The following DNAI7 variants were observed in gnomAD, a reference collection of about 807,000 sequenced individuals.
The protein encoded by DNAI7 is dynein axonemal intermediate chain 7.
Under a neutral mutation model 86.6 loss-of-function variants are expected in DNAI7, and 78 were observed. The observed-to-expected ratio is 0.90, with a 90% confidence interval of 0.75 to 1.09. The LOEUF (loss-of-function observed/expected upper bound fraction) is 1.09, where lower values mean the gene tolerates loss of function less well. Among genes scored for constraint, DNAI7 ranks in the 50% least tolerant of loss-of-function variants. The probability of loss-of-function intolerance (pLI) is 0.00; values close to 1 mark genes in which losing one functional copy is unlikely to be tolerated. For synonymous variants in DNAI7, 274 were observed against 273.0 expected, an observed-to-expected ratio of 1.00 and a Z score of -0.04; for missense variants, 753 against 810.2, an observed-to-expected ratio of 0.93 and a Z score of 0.86.
intron 2 of DNAI7, among the ~76,000 whole-genome samples, chr12:25,171,576 A>G (rs1422923674): frequency 6.6e-6 from 1 of 152,214 alleles, no homozygotes; most frequent in African/African-American, 2.4e-5. Flanking sequence ...TATTGACACT[A>G]TTCCACAAGA....
intron 2 of DNAI7, among the ~76,000 whole-genome samples, chr12:25,182,366 A>G (rs1404467114): frequency 6.7e-6 from 1 of 149,768 alleles, no homozygotes; most frequent in African/African-American, 2.5e-5. Flanking sequence ...AAAAAAAAAA[A>G]GACACCTGTA....
intron 12 of DNAI7, 121 bp downstream of exon 12, chr12:25,119,024 C>A: frequency 1.3e-6 from 1 of 763,994 alleles, no homozygotes; most frequent in South Asian, 2.7e-5. Context: ...AAAACAAGAC[C>A]CTTGAATTGG....
intron 2 of DNAI7, among the ~76,000 whole-genome samples, chr12:25,168,642 T>C (rs561108754): frequency 6.6e-6 from 1 of 152,232 alleles, no homozygotes; most frequent in East Asian, 1.9e-4. Context: ...AAGAGTGTTG[T>C]TTTTACCTAA....
intron 2 of DNAI7, among the ~76,000 whole-genome samples, chr12:25,164,185 G>A (rs1947159534): frequency 6.8e-6 from 1 of 147,610 alleles, no homozygotes; most frequent in Non-Finnish European, 1.5e-5. Flanking sequence ...TTCTCTCCAT[G>A]TCTACCCCTT....
chr12:25,143,520 G>A (rs141832015), intron 9 of DNAI7, among the ~76,000 whole-genome samples: 48 of 152,126 alleles, frequency 3.2e-4, no homozygotes, highest in African/African-American at 1.0e-3. Flanking sequence ...CACCACGCCC[G>A]GCCTATAATT....
At position 25,144,773 on chromosome 12, in the gene DNAI7, A is replaced by G. The variant is rs1277038266; in HGVS notation, c.690-96T>C. ...CTAAGCAGTATTTCTCTTCACTTTA[A>G]TTTTGCTCCAATTTTGACTCTGATC... is the stretch of plus-strand genomic sequence containing the variant. On this transcript the variant is annotated intron_variant, in intron 8 of 15. Transcript: ENST00000395987. 8.3e-6 allele frequency: 8 copies of G among 969,298 alleles called. No individual in the cohort carries two copies. In the East Asian group the frequency reaches 2.1e-4, roughly 25 times the overall value. 60.0% of individuals were successfully genotyped at this position (969,298 alleles called of 1,614,324 possible).
At chr12:25,143,138 T>C (rs1224367241) in intron 9 of DNAI7, among the ~76,000 whole-genome samples, 2 of 152,194 alleles carry the variant, frequency 1.3e-5, no homozygotes, top group African/African-American at 4.8e-5. Context: ...TCTCATTTCC[T>C]TATGCCTTTA....
intron 9 of DNAI7, among the ~76,000 whole-genome samples, chr12:25,124,487 G>A (rs16915693): frequency 1.8e-4 from 26 of 146,172 alleles, no homozygotes; most frequent in African/African-American, 6.2e-4. Flanking sequence ...GTATATTTTT[G>A]TAAGTGTTGT....
chr12:25,170,475 A>G (rs191497696), intron 2 of DNAI7, among the ~76,000 whole-genome samples: 15 of 152,318 alleles, frequency 9.8e-5, no homozygotes, highest in Non-Finnish European at 1.8e-4. Context: ...CCAAATTTAT[A>G]AAAACAATTA....
rs1418552987 is a variant in DNAI7 at position 25,181,918 on chromosome 12, G to A, written c.21+8696C>T. ...AAAAAAGGGAACTGTTGGTATGAAT[G>A]TAAATTAGTTCAACCCCTATTGAAA... On this transcript the variant is annotated intron_variant, in intron 2 of 15. Transcript: ENST00000395987. Among the ~76,000 whole-genome samples, 5 of 152,052 alleles carry A rather than the reference G, an allele frequency of 3.3e-5. No individual in the cohort carries two copies. In the East Asian group the frequency reaches 9.6e-4, roughly 29 times the overall value.
intron 2 of DNAI7, among the ~76,000 whole-genome samples, chr12:25,171,362 A>G: frequency 6.6e-6 from 1 of 152,288 alleles, no homozygotes; most frequent in East Asian, 1.9e-4. Context: ...CGCATAAACT[A>G]GAAAACCTAG....
intron 13 of DNAI7, among the ~76,000 whole-genome samples, chr12:25,112,670 C>T (rs6487454): frequency 0.83 from 126,458 of 152,008 alleles, 52,909 homozygotes; most frequent in East Asian, 0.99. Context: ...CCTCCTAAAG[C>T]GCTGGGATTA....
downstream of DNAI7, chr12:25,107,898 A>G (rs116675077): frequency 1.2e-6 from 2 of 1,614,214 alleles, no homozygotes; most frequent in East Asian, 2.2e-5. Context: ...TCTCTATTGC[A>G]TTCATTGTAC....
chr12:25,146,286 T>C (rs902781899), intron 8 of DNAI7, among the ~76,000 whole-genome samples: 10 of 119,704 alleles, frequency 8.4e-5, no homozygotes, highest in African/African-American at 3.1e-4. Flanking sequence ...AAAAAAAAAA[T>C]CCAGATTGCC....
chr12:25,108,526 C>A lies in DNAI7; in HGVS notation c.*22G>T, dbSNP rs953788493. On this transcript the variant is annotated 3_prime_UTR_variant, in exon 16 of 16. Coordinates refer to ENST00000395987, the MANE Select transcript of DNAI7 (RefSeq NM_018272.5). ...CACCATGCTTGGTTCTTCATACTTA[C>A]AATACAGTTTGTAAGTGGAGGTTAG... The A allele has an allele frequency of 6.3e-7, 1 of 1,598,842 alleles. No individual in the cohort carries two copies. Among genetic ancestry groups the A allele is most frequent in the East Asian group, 2.2e-5 (1 of 44,620 alleles).
chr12:25,168,155 T>C (rs1319269303), intron 2 of DNAI7, among the ~76,000 whole-genome samples: 2 of 152,192 alleles, frequency 1.3e-5, no homozygotes, highest in African/African-American at 4.8e-5. Context: ...ACAAGACACC[T>C]TTTTCAGCAC....
chr12:25,173,450 A>G (rs1470035230), intron 2 of DNAI7, among the ~76,000 whole-genome samples: 1 of 152,092 alleles, frequency 6.6e-6, no homozygotes, highest in Non-Finnish European at 1.5e-5. Flanking sequence ...AAAAAGAAAC[A>G]CTAAATGTTG....
At position 25,132,910 on chromosome 12, in the gene DNAI7, T is replaced by A. The variant is rs986954212; in HGVS notation, c.1003-9624A>T. ...GGGGTATAACCCCTTGTCATGTACGTTGAAATATTTTTCTTAGTCTGTTAT... is the reference window on the plus strand; with the variant it reads ...GGGGTATAACCCCTTGTCATGTACGATGAAATATTTTTCTTAGTCTGTTAT... On this transcript the variant is annotated intron_variant, in intron 9 of 15. Transcript: ENST00000395987. Among the ~76,000 whole-genome samples the A allele has an allele frequency of 8.5e-5, 13 of 152,118 alleles. 1 individual carries two copies. The highest frequency in any genetic ancestry group is 3.1e-4 in the African/African-American group (13 of 41,364).
intron 12 of DNAI7, among the ~76,000 whole-genome samples, chr12:25,117,565 A>AG (rs1273102175): frequency 6.6e-6 from 1 of 152,146 alleles, no homozygotes; most frequent in Non-Finnish European, 1.5e-5. Context: ...GCATACATTA[A>AG]CTCACCAGAC....
Sources: allele counts gnomAD v4.1 joint callset (sites outside exome capture counted in the v4.1 genomes callset), GRCh38; gene constraint gnomAD v4.1.1; transcripts MANE v1.5; gene names NCBI Gene and HGNC (gene_info 2026-07-23, HGNC 2026-07-21).